The following PCDHGB1 variants were observed in gnomAD, a reference collection of about 807,000 sequenced individuals.
PCDHGB1 encodes the protein protocadherin gamma subfamily B, 1.
A neutral mutation model predicts 56.6 loss-of-function variants in PCDHGB1; 34 were observed. That is an observed-to-expected ratio of 0.60 (90% CI 0.46 to 0.80). The LOEUF (loss-of-function observed/expected upper bound fraction) is 0.80, where lower values mean the gene tolerates loss of function less well. PCDHGB1 is among the 30% of genes least tolerant of loss of function. The probability of loss-of-function intolerance (pLI) is 0.00; values close to 1 mark genes in which losing one functional copy is unlikely to be tolerated. For missense variants in PCDHGB1, 1,278 were observed against 1,204.6 expected (o/e 1.06, Z -0.90); for synonymous variants, 561 against 505.9 (o/e 1.11, Z -1.46).
chr5:141,434,455 G>A (rs2097695575), intron 1 of PCDHGB1, among the ~76,000 whole-genome samples: 1 of 152,192 alleles, frequency 6.6e-6, no homozygotes, highest in Admixed American at 6.5e-5. Context: ...GAAGGTAGTG[G>A]GTTTACCGGA....
chr5:141,487,237 T>G lies in PCDHGB1; in HGVS notation c.2410-7570T>G, dbSNP rs1327004790. ...CAGCTCCAAGGGAAGGAGAATCTCGTCTAACCCTCTACTTGGCTGTGTCCC... is the reference window on the plus strand; with the variant it reads ...CAGCTCCAAGGGAAGGAGAATCTCGGCTAACCCTCTACTTGGCTGTGTCCC... On this transcript the variant is annotated intron_variant, in intron 1 of 3. Transcript: ENST00000523390. This position sits in a 1 kb window ranked among gnomAD's most constrained non-coding sequence, Gnocchi z 5.0. 1.2e-6 allele frequency: 2 copies of G among 1,614,004 alleles called. No individual in the cohort carries two copies. The highest frequency in any genetic ancestry group is 1.7e-6 in the Non-Finnish European group (2 of 1,179,988).
At chr5:141,415,458 C>G (rs2095871921) in intron 1 of PCDHGB1, 7 of 1,614,204 alleles carry the variant, frequency 4.3e-6, no homozygotes, top group Non-Finnish European at 5.1e-6. Context: ...CCCACGAGGT[C>G]TCTCTCACCG....
chr5:141,507,478 C>A (rs933478897), intron 3 of PCDHGB1, among the ~76,000 whole-genome samples: 3 of 152,158 alleles, frequency 2.0e-5, no homozygotes, highest in Non-Finnish European at 4.4e-5. Context: ...GGACTGCTGG[C>A]CTCCTGAGGC....
intron 1 of PCDHGB1, chr5:141,404,633 G>C: frequency 6.2e-7 from 1 of 1,614,170 alleles, no homozygotes; most frequent in Non-Finnish European, 8.5e-7. Flanking sequence ...CAATGCCCCA[G>C]AAATCCTGTA....
At chr5:141,372,288 T>A in intron 1 of PCDHGB1, 1 of 1,613,284 alleles carries the variant, frequency 6.2e-7, no homozygotes, top group East Asian at 2.2e-5. Context: ...GGCGCGTACC[T>A]TGGGCGACAG....
At position 141,422,501 on chromosome 5, in the gene PCDHGB1, C is replaced by T. The variant is rs1343881573; in HGVS notation, c.2409+69832C>T. On this transcript the variant is annotated intron_variant, in intron 1 of 3. Coordinates refer to ENST00000523390, the MANE Select transcript of PCDHGB1 (RefSeq NM_018922.3). ...CAGAGCTACAATATAACGTTGACAGCCACAGACCAGGGAAGCCCGCCTTTG... is the reference window on the plus strand; with the variant it reads ...CAGAGCTACAATATAACGTTGACAGTCACAGACCAGGGAAGCCCGCCTTTG... 9.3e-6 allele frequency: 15 copies of T among 1,613,810 alleles called. No individual in the cohort carries two copies. The highest frequency in any genetic ancestry group is 1.3e-5 in the Non-Finnish European group (15 of 1,179,872).
At chr5:141,461,979 A>C (rs1420971777) in intron 1 of PCDHGB1, among the ~76,000 whole-genome samples, 1 of 152,144 alleles carries the variant, frequency 6.6e-6, no homozygotes, top group Non-Finnish European at 1.5e-5. Context: ...ATATGCCACC[A>C]CGCCAGGCTA....
chr5:141,504,956 G>A (rs1327603937), intron 2 of PCDHGB1, among the ~76,000 whole-genome samples: 1 of 152,096 alleles, frequency 6.6e-6, no homozygotes, highest in Non-Finnish European at 1.5e-5. Context: ...TATGTTCAAT[G>A]CATTGGACCA....
At chr5:141,362,275 C>A (rs757133043) in intron 1 of PCDHGB1, 3 of 1,613,924 alleles carry the variant, frequency 1.9e-6, no homozygotes, top group African/African-American at 1.3e-5. Flanking sequence ...AATCTCCCTG[C>A]GCCTGCGACT....
intron 1 of PCDHGB1, chr5:141,374,936 A>G: frequency 6.2e-7 from 1 of 1,614,030 alleles, no homozygotes; most frequent in Non-Finnish European, 8.5e-7. Context: ...TGTGAAGATT[A>G]CAGAAAAGAT....
intron 1 of PCDHGB1, chr5:141,410,134 C>T: frequency 6.2e-7 from 1 of 1,612,766 alleles, no homozygotes; most frequent in East Asian, 2.2e-5. Flanking sequence ...GCCTGCTGGT[C>T]GCTGTGCGTG....
intron 1 of PCDHGB1, among the ~76,000 whole-genome samples, chr5:141,460,536 G>A (rs911670681): frequency 2.0e-5 from 3 of 152,092 alleles, no homozygotes; most frequent in African/African-American, 7.2e-5. Flanking sequence ...AATAATCTTA[G>A]CACCTTAATC....
chr5:141,476,233 G>A lies in PCDHGB1; in HGVS notation c.2410-18574G>A, dbSNP rs1162067190. ...CGGTCATTCACTATGAGATCCCGGA[G>A]GAAAGAGAGAAGGGTTTCGCTGTGG... On this transcript the variant is annotated intron_variant, in intron 1 of 3. Coordinates refer to ENST00000523390, the MANE Select transcript of PCDHGB1 (RefSeq NM_018922.3). The surrounding 1 kb of genome is among the most constrained non-coding windows in gnomAD (Gnocchi z 7.6). The A allele has an allele frequency of 3.1e-6, 5 of 1,613,996 alleles. No homozygotes were observed. Among genetic ancestry groups the A allele is most frequent in the African/African-American group, 2.7e-5 (2 of 74,894 alleles).
At chr5:141,455,160 G>GT (rs59530096) in intron 1 of PCDHGB1, among the ~76,000 whole-genome samples, 26,536 of 149,098 alleles carry the variant, frequency 0.18, 2,386 homozygotes, top group South Asian at 0.23. Flanking sequence ...TAGTTTGTTG[G>GT]TTTTTTTTTT....
chr5:141,406,532 G>A (rs58503510), intron 1 of PCDHGB1, among the ~76,000 whole-genome samples: 16,962 of 152,088 alleles, frequency 0.11, 1,106 homozygotes, highest in African/African-American at 0.18. Context: ...ATTTTCTGAC[G>A]AAGATTCAAA....
chr5:141,409,180 T>C (rs2095236494), intron 1 of PCDHGB1: 1 of 1,613,848 alleles, frequency 6.2e-7, no homozygotes, highest in Non-Finnish European at 8.5e-7. Flanking sequence ...ACGGAGGTGG[T>C]CTCTCTACCC....
At chr5:141,372,433 C>T in intron 1 of PCDHGB1, 1 of 1,614,060 alleles carries the variant, frequency 6.2e-7, no homozygotes, top group Non-Finnish European at 8.5e-7. Flanking sequence ...GACCGCCCCA[C>T]TCCCTCTGAC....
intron 1 of PCDHGB1, among the ~76,000 whole-genome samples, chr5:141,373,410 C>A (rs1317795683): frequency 6.6e-6 from 1 of 152,216 alleles, no homozygotes; most frequent in Non-Finnish European, 1.5e-5. Flanking sequence ...GTAGTCCCAG[C>A]TACTCGGGAG....
rs746318177 is a variant in PCDHGB1 at position 141,431,715 on chromosome 5, T to G, written c.2410-63092T>G. On this transcript the variant is annotated intron_variant, in intron 1 of 3. Coordinates refer to ENST00000523390, the MANE Select transcript of PCDHGB1 (RefSeq NM_018922.3). The surrounding 1 kb of genome is among the most constrained non-coding windows in gnomAD (Gnocchi z 4.8). Reference sequence around the variant, plus strand: ...GAGTCAGGATTCTACCAGATGGAAGTGCAAGCAATGGATAATGCAGGATAT... The same window carrying G: ...GAGTCAGGATTCTACCAGATGGAAGGGCAAGCAATGGATAATGCAGGATAT... 5.6e-6 allele frequency: 9 copies of G among 1,614,178 alleles called. No homozygotes were observed. The highest frequency in any genetic ancestry group is 6.8e-6 in the Non-Finnish European group (8 of 1,180,042).
Sources: allele counts gnomAD v4.1 joint callset (sites outside exome capture counted in the v4.1 genomes callset), GRCh38; gene constraint gnomAD v4.1.1; non-coding constraint Gnocchi (gnomAD v3.1); transcripts MANE v1.5; gene names NCBI Gene and HGNC (gene_info 2026-07-23, HGNC 2026-07-21).